Variants in SNTB1 observed in about 807,000 individuals in gnomAD.
SNTB1 encodes the protein beta-1-syntrophin.
A neutral mutation model predicts 48.9 loss-of-function variants in SNTB1; 36 were observed. The ratio of observed to expected loss-of-function variants is 0.74; its 90% CI spans 0.56 to 0.97. The LOEUF is 0.97. SNTB1 is among the 50% of genes least tolerant of loss of function. SNTB1 has a pLI of 0.00. For missense variants in SNTB1, 786 were observed against 703.4 expected, an observed-to-expected ratio of 1.12 and a Z score of -1.33; for synonymous variants, 299 against 294.6, an observed-to-expected ratio of 1.01 and a Z score of -0.15.
At chr8:120,605,761 G>A (rs1388338790) in intron 3 of SNTB1, among the ~76,000 whole-genome samples, 5 of 152,176 alleles carry the variant, frequency 3.3e-5, no homozygotes, top group Admixed American at 6.5e-5. Flanking sequence ...TCTGACTCCC[G>A]TGAGCTATGC....
intron 5 of SNTB1, among the ~76,000 whole-genome samples, chr8:120,544,776 T>C (rs7823914): frequency 6.8e-6 from 1 of 146,388 alleles, no homozygotes; most frequent in African/African-American, 2.5e-5. Flanking sequence ...TTCTTCCAAC[T>C]CTCAAATTCA....
At chr8:120,702,007 C>A (rs1388866893) in intron 1 of SNTB1, among the ~76,000 whole-genome samples, 1 of 152,198 alleles carries the variant, frequency 6.6e-6, no homozygotes, top group African/African-American at 2.4e-5. Flanking sequence ...CAAAGTAAGG[C>A]AATGGACCCA....
chr8:120,713,165 T>C (rs1190182909), intron 1 of SNTB1, among the ~76,000 whole-genome samples: 1 of 152,122 alleles, frequency 6.6e-6, no homozygotes, highest in Non-Finnish European at 1.5e-5. Context: ...GGACAACTCA[T>C]TTCATCTTTC....
chr8:120,697,401 A>T (rs1587096787), intron 1 of SNTB1, among the ~76,000 whole-genome samples: 1 of 152,232 alleles, frequency 6.6e-6, no homozygotes, highest in East Asian at 1.9e-4. Context: ...CTTATCAGTC[A>T]ATTTTCATGT....
chr8:120,665,512 T>C (rs1817660923), intron 2 of SNTB1, among the ~76,000 whole-genome samples: 9 of 152,142 alleles, frequency 5.9e-5, no homozygotes, highest in Admixed American at 5.9e-4. Context: ...AATACACACT[T>C]AGCAAATATG....
At position 120,693,922 on chromosome 8, in the gene SNTB1, GACA is replaced by G. The variant is rs780565995; in HGVS notation, c.572-17_572-15del. The G allele has an allele frequency of 2.1e-5, 34 of 1,596,524 alleles. No individual in the cohort carries two copies. Among genetic ancestry groups the G allele is most frequent in the East Asian group, 4.5e-5 (2 of 44,778 alleles). ...GCATGTACTTCACTGCAAGGAAAAA[GACA>G]ACAAGTGCTTTTAATACATCACGGC... On this transcript the variant is annotated splice_polypyrimidine_tract_variant and intron_variant, in intron 1 of 6. Transcript: ENST00000517992.
At chr8:120,721,349 A>C (rs1818655596) in intron 1 of SNTB1, among the ~76,000 whole-genome samples, 1 of 152,188 alleles carries the variant, frequency 6.6e-6, no homozygotes. Context: ...GCAGACTTGA[A>C]ATCAAGCTTC....
At chr8:120,666,700 TTGTGG>T (rs1817677780) in intron 2 of SNTB1, among the ~76,000 whole-genome samples, 1 of 152,198 alleles carries the variant, frequency 6.6e-6, no homozygotes, top group Admixed American at 6.5e-5. Flanking sequence ...CTTCTCCCCT[TTGTGG>T]ACTCCAACTA....
At chr8:120,726,036 A>G (rs888955530) in intron 1 of SNTB1, among the ~76,000 whole-genome samples, 4 of 152,198 alleles carry the variant, frequency 2.6e-5, no homozygotes, top group South Asian at 2.1e-4. Flanking sequence ...TCAGTGCTCA[A>G]TATATTGAAA....
chr8:120,787,020 A>G (rs116592579), intron 1 of SNTB1, among the ~76,000 whole-genome samples: 3,898 of 152,320 alleles, frequency 0.026, 173 homozygotes, highest in African/African-American at 0.089. Context: ...CCAGCCCAAC[A>G]GGAGACAGTG....
Position 120,548,906 on chromosome 8 carries a change from A to T in SNTB1, c.1189T>A (p.Ser397Thr). The stretch of plus-strand genomic sequence containing the variant: ...CTGGTACCAGTTCGCGTTGCAAAGG[A>T]CAGATCCACACCAGCCTGGGGTGAT... Reference protein sequence around the residue: ...KGSPQAGVDLSFATRTGTRQG... With the variant: ...KGSPQAGVDLTFATRTGTRQG... Residue 397 changes from serine to threonine, a missense_variant, in exon 5 of 7, where the codon TCC becomes ACC. Coordinates refer to ENST00000517992, the MANE Select transcript of SNTB1 (RefSeq NM_021021.4). The T allele has an allele frequency of 3.1e-6, 5 of 1,610,874 alleles. No individual in the cohort carries two copies. Among genetic ancestry groups the T allele is most frequent in the Non-Finnish European group, 2.5e-6 (3 of 1,178,354 alleles).
chr8:120,659,063 A>C (rs1348891704), intron 2 of SNTB1, among the ~76,000 whole-genome samples: 1 of 151,566 alleles, frequency 6.6e-6, no homozygotes, highest in African/African-American at 2.4e-5. Context: ...CCCTGGGTTT[A>C]AGTGATTCTC....
intron 4 of SNTB1, among the ~76,000 whole-genome samples, chr8:120,563,877 A>G (rs901489349): frequency 3.9e-5 from 6 of 152,134 alleles, no homozygotes; most frequent in African/African-American, 1.4e-4. Flanking sequence ...TGGGAGGCCA[A>G]GGCGAGTGGA....
chr8:120,747,366 T>C (rs4871114), intron 1 of SNTB1, among the ~76,000 whole-genome samples: 19,738 of 152,172 alleles, frequency 0.13, 1,647 homozygotes, highest in African/African-American at 0.23. Flanking sequence ...TCTTGGCTAG[T>C]TGTAACCACC....
chr8:120,754,647 G>A (rs1031620008), intron 1 of SNTB1, among the ~76,000 whole-genome samples: 1 of 151,700 alleles, frequency 6.6e-6, no homozygotes, highest in Non-Finnish European at 1.5e-5. Flanking sequence ...TAGATGTAGA[G>A]AGTATATGAA....
At chr8:120,763,680 A>G (rs1178174012) in intron 1 of SNTB1, among the ~76,000 whole-genome samples, 3 of 152,236 alleles carry the variant, frequency 2.0e-5, no homozygotes, top group East Asian at 1.9e-4. Context: ...TCCTTAAACT[A>G]TAAAGACAAC....
chr8:120,703,673 C>T lies in SNTB1; in HGVS notation c.572-9765G>A, dbSNP rs138351821. On this transcript the variant is annotated intron_variant, in intron 1 of 6. Transcript: ENST00000517992. ...CTCTGTCATAACTTCATTTTGCCAT[C>T]GTTGCACAAAGAGGTCACAGGCTGT... Among the ~76,000 whole-genome samples the T allele has an allele frequency of 7.4e-4, 113 of 152,254 alleles. 1 individual carries two copies. Among genetic ancestry groups the T allele is most frequent in the African/African-American group, 1.5e-3 (64 of 41,542 alleles).
intron 5 of SNTB1, 192 bp from the exon 6 acceptor site, chr8:120,542,192 A>G: frequency 1.8e-6 from 1 of 541,738 alleles, no homozygotes; most frequent in Admixed American, 3.4e-5. Context: ...TAAAAGCCCC[A>G]TAGAACTAAG....
intron 1 of SNTB1, among the ~76,000 whole-genome samples, chr8:120,791,693 T>G (rs1315214963): frequency 1.3e-5 from 2 of 151,800 alleles, no homozygotes; most frequent in Non-Finnish European, 2.9e-5. Context: ...CCAACAAACA[T>G]GAAAAAATGC....
Sources: gnomAD v4.1 joint callset for allele counts (sites outside exome capture counted in the v4.1 genomes callset) on GRCh38, gnomAD v4.1.1 for gene constraint, MANE v1.5 for transcripts, NCBI Gene and HGNC (gene_info 2026-07-23, HGNC 2026-07-21) for gene names.